Variants in RGS17 observed in about 807,000 individuals in gnomAD.
RGS17 encodes regulator of G protein signaling 17, also known as regulator of G-protein signaling 17.
A neutral mutation model predicts 25.5 loss-of-function variants in RGS17; 12 were observed. The observed-to-expected ratio is 0.47, with a 90% CI of 0.30 to 0.76. The LOEUF (loss-of-function observed/expected upper bound fraction) is 0.76. Among genes scored for constraint, RGS17 ranks in the 30% least tolerant of loss-of-function variants. The pLI, the probability that RGS17 is intolerant of heterozygous loss-of-function variation, is 0.07. For synonymous variants in RGS17, 71 were observed against 76.9 expected (o/e 0.92, Z 0.40); for missense variants, 196 against 242.2 (o/e 0.81, Z 1.27).
At chr6:153,056,882 G>T (rs1002956938) in intron 1 of RGS17, among the ~76,000 whole-genome samples, 1 of 135,454 alleles carries the variant, frequency 7.4e-6, no homozygotes, top group Non-Finnish European at 1.6e-5. Flanking sequence ...GTGTGTGTGT[G>T]TTTTCCTGGA....
chr6:153,028,639 T>C (rs1287767654), intron 2 of RGS17, among the ~76,000 whole-genome samples: 1 of 152,146 alleles, frequency 6.6e-6, no homozygotes, highest in Admixed American at 6.5e-5. Flanking sequence ...CTGTAAAACT[T>C]CCTGTATATA....
At chr6:153,074,117 G>C (rs1017214804) in intron 1 of RGS17, among the ~76,000 whole-genome samples, 1 of 152,142 alleles carries the variant, frequency 6.6e-6, no homozygotes, top group Non-Finnish European at 1.5e-5. Context: ...AAACAAGATT[G>C]TTTTCAGCGT....
intron 2 of RGS17, among the ~76,000 whole-genome samples, chr6:153,034,691 C>A (rs183688470): frequency 6.6e-6 from 1 of 152,136 alleles, no homozygotes; most frequent in African/African-American, 2.4e-5. Flanking sequence ...CTTTCCTTAT[C>A]CCATACAGCC....
Position 153,099,645 on chromosome 6 carries a change from G to GA in RGS17, c.-26+31478dup, listed in dbSNP as rs924278216. ...AGAACAATACAAAAGCGTTTGGGTAGAAAAAAAAGATGTCAGGATTTGTAA... is the reference window on the plus strand; with the variant it reads ...AGAACAATACAAAAGCGTTTGGGTAGAAAAAAAAAGATGTCAGGATTTGTAA... On this transcript the variant is annotated intron_variant, in intron 1 of 4. Transcript: ENST00000206262. Among the ~76,000 whole-genome samples the GA allele has an allele frequency of 1.2e-4, 18 of 151,924 alleles. No homozygotes were observed. The South Asian group carries it at 3.5e-3, about 30-fold the overall frequency.
At chr6:153,027,169 AGGTGAGCATTG>A (rs1779312020) in intron 2 of RGS17, among the ~76,000 whole-genome samples, 2 of 152,154 alleles carry the variant, frequency 1.3e-5, no homozygotes, top group Admixed American at 6.5e-5. Flanking sequence ...CATTTGGAAC[AGGTGAGCATTG>A]GGTGGGAGGG....
Position 153,053,944 on chromosome 6 carries a change from A to G in RGS17, c.-25-9901T>C, listed in dbSNP as rs1171980447. 5.3e-5 allele frequency among the ~76,000 whole-genome samples: 2 copies of G among 37,442 alleles called. 1 individual carries two copies. Among genetic ancestry groups the G allele is most frequent in the East Asian group, 2.3e-3 (2 of 884 alleles). The allele number at this position is 37,442 out of a possible 152,430, so 24.6% of individuals were successfully genotyped here. Reference sequence around the variant, plus strand: ...ATATATGTATATATATGTATATATAATATATATACATATATATTATATACA... The same window carrying G: ...ATATATGTATATATATGTATATATAGTATATATACATATATATTATATACA... On this transcript the variant is annotated intron_variant, in intron 1 of 4. Coordinates refer to ENST00000206262, the MANE Select transcript of RGS17 (RefSeq NM_012419.5).
chr6:153,115,001 T>C (rs1240707551), intron 1 of RGS17, among the ~76,000 whole-genome samples: 3 of 152,138 alleles, frequency 2.0e-5, no homozygotes, highest in African/African-American at 7.2e-5. Flanking sequence ...CTGGAAGCAT[T>C]CCCTTTGAAA....
At chr6:153,022,876 G>C (rs1779259746) in intron 4 of RGS17, among the ~76,000 whole-genome samples, 1 of 151,984 alleles carries the variant, frequency 6.6e-6, no homozygotes. Flanking sequence ...AATGTGTTGA[G>C]GCTACATATT....
chr6:153,029,278 G>A (rs758329626), intron 2 of RGS17, among the ~76,000 whole-genome samples: 27 of 152,054 alleles, frequency 1.8e-4, no homozygotes, highest in Non-Finnish European at 3.4e-4. Context: ...CTTTACTACC[G>A]GTCTTAAAAA....
At chr6:153,035,956 G>A (rs1436122275) in intron 2 of RGS17, among the ~76,000 whole-genome samples, 1 of 152,142 alleles carries the variant, frequency 6.6e-6, no homozygotes, top group East Asian at 1.9e-4. Context: ...ATCACAAAAT[G>A]TTTTATGATT....
chr6:153,054,024 A>AAT (rs1554238235), intron 1 of RGS17, among the ~76,000 whole-genome samples: 1 of 44,536 alleles, frequency 2.2e-5, no homozygotes, highest in Admixed American at 2.8e-4. Context: ...ATATGTATAT[A>AAT]ATATATATAC....
chr6:153,073,248 C>T (rs1283726733), intron 1 of RGS17, among the ~76,000 whole-genome samples: 4 of 152,208 alleles, frequency 2.6e-5, no homozygotes, highest in Non-Finnish European at 4.4e-5. Flanking sequence ...TCCTGCTCTG[C>T]TCCATTGTCT....
rs1436695883 is a variant in RGS17 at position 153,070,965 on chromosome 6, A to G, written c.-25-26922T>C. ...TGTGTATATCTACATGTGTATATAC[A>G]CGTGTATATGTACACACATGTGTGT... On this transcript the variant is annotated intron_variant, in intron 1 of 4. Coordinates refer to ENST00000206262, the MANE Select transcript of RGS17 (RefSeq NM_012419.5). Among the ~76,000 whole-genome samples the G allele has an allele frequency of 2.3e-4, 35 of 149,338 alleles. 1 individual carries two copies. The Admixed American group carries it at 2.4e-3, about 10-fold the overall frequency.
chr6:153,034,515 T>C (rs1050949868), intron 2 of RGS17, among the ~76,000 whole-genome samples: 6 of 152,162 alleles, frequency 3.9e-5, no homozygotes, highest in Non-Finnish European at 7.3e-5. Flanking sequence ...ACAGAAATAA[T>C]ACCTATCAAT....
intron 1 of RGS17, among the ~76,000 whole-genome samples, chr6:153,100,634 T>A (rs1777287824): frequency 1.3e-5 from 2 of 152,234 alleles, no homozygotes; most frequent in Non-Finnish European, 2.9e-5. Flanking sequence ...TTTATCTAAC[T>A]TACTTCTTAT....
intron 1 of RGS17, among the ~76,000 whole-genome samples, chr6:153,046,486 A>G (rs1021381817): frequency 4.3e-4 from 65 of 152,098 alleles, no homozygotes; most frequent in Middle Eastern, 6.8e-3. Flanking sequence ...AATATGTACA[A>G]TTATTATTTG....
intron 1 of RGS17, among the ~76,000 whole-genome samples, chr6:153,120,421 T>C (rs999120607): frequency 1.3e-5 from 2 of 152,236 alleles, no homozygotes; most frequent in African/African-American, 2.4e-5. Flanking sequence ...CTTCTAGATC[T>C]TTTTGTTCAC....
rs1491280300 is a variant in RGS17 at position 153,054,034 on chromosome 6, CAT to C, written c.-25-9993_-25-9992del. Among the ~76,000 whole-genome samples, 5 of 51,880 alleles carry C rather than the reference CAT, an allele frequency of 9.6e-5. 2 individuals carry two copies. The East Asian group carries it at 2.0e-3, about 20-fold the overall frequency. The allele number at this position is 51,880 out of a possible 152,430, so 34.0% of individuals were successfully genotyped here. On this transcript the variant is annotated intron_variant, in intron 1 of 4. Coordinates refer to ENST00000206262, the MANE Select transcript of RGS17 (RefSeq NM_012419.5). Reference sequence around the variant, plus strand: ...CGTATATATGTATATAATATATATACATATATATGTATATATGTATATAATAT... The same window carrying C: ...CGTATATATGTATATAATATATATACATATATGTATATATGTATATAATAT...
At chr6:153,105,796 C>T (rs1482200069) in intron 1 of RGS17, among the ~76,000 whole-genome samples, 2 of 152,090 alleles carry the variant, frequency 1.3e-5, no homozygotes, top group Admixed American at 1.3e-4. Flanking sequence ...GTGGTGGCAG[C>T]CAAGGACAGA....
Sources: gnomAD v4.1 joint callset for allele counts (sites outside exome capture counted in the v4.1 genomes callset) on GRCh38, gnomAD v4.1.1 for gene constraint, MANE v1.5 for transcripts, NCBI Gene and HGNC (gene_info 2026-07-23, HGNC 2026-07-21) for gene names.